NEK9: variants seen among roughly 807,000 people sequenced by gnomAD.
The protein encoded by NEK9 is NIMA related kinase 9, also known as serine/threonine-protein kinase Nek9.
NEK9 carries 75 observed loss-of-function variants against 123.4 expected under a neutral mutation model. The observed-to-expected ratio is 0.61, with a 90% confidence interval of 0.50 to 0.74. The LOEUF (loss-of-function observed/expected upper bound fraction) is 0.74. Among genes scored for constraint, NEK9 ranks in the 30% least tolerant of loss-of-function variants. The pLI, the probability that NEK9 is intolerant of heterozygous loss-of-function variation, is 0.00. For synonymous variants in NEK9, 438 were observed against 458.7 expected, an observed-to-expected ratio of 0.95 and a Z score of 0.58; for missense variants, 952 against 1,214.4, an observed-to-expected ratio of 0.78 and a Z score of 3.21.
intron 18 of NEK9, chr14:75,091,690 C>T (rs984246388): frequency 2.8e-5 from 12 of 432,050 alleles, no homozygotes; most frequent in African/African-American, 2.3e-4. Flanking sequence ...TCAGGATGCT[C>T]ATAATGATAA....
chr14:75,108,795 T>G (rs1894867071), intron 10 of NEK9, among the ~76,000 whole-genome samples: 1 of 152,130 alleles, frequency 6.6e-6, no homozygotes, highest in African/African-American at 2.4e-5. Flanking sequence ...CCTCAAACAA[T>G]CCACTCGCCT....
rs576481105 is a variant in NEK9 at position 75,087,967 on chromosome 14, TTCTG to T, written c.2604+509_2604+512del. Among the ~76,000 whole-genome samples the T allele has an allele frequency of 1.2e-3, 178 of 152,328 alleles. 1 individual carries two copies. The highest frequency in any genetic ancestry group is 4.3e-3 in the African/African-American group (177 of 41,582). ...TAGTTGCAAAAGAGGCTGTACACAT[TTCTG>T]TCTAAAATGGTCTAAAATAATTACT... On this transcript the variant is annotated intron_variant, in intron 20 of 21. Transcript: ENST00000238616.
intron 1 of NEK9, among the ~76,000 whole-genome samples, chr14:75,125,911 A>G (rs1895507535): frequency 1.3e-5 from 2 of 152,166 alleles, no homozygotes; most frequent in African/African-American, 4.8e-5. Flanking sequence ...AGTTTTTGGA[A>G]GTAGAATAAT....
rs1894058260 is a variant in NEK9, at chr14:75,087,236, G to C, written c.2605-6C>G. On this transcript the variant is annotated splice_region_variant and splice_polypyrimidine_tract_variant and intron_variant, in intron 20 of 21. Coordinates refer to ENST00000238616, the MANE Select transcript of NEK9 (RefSeq NM_033116.6). ...GCAGGATTCAGCCGAGGTGACTAGAGAGACAAGAAGGAGATTGCAGGAGGT... is the reference window on the plus strand; with the variant it reads ...GCAGGATTCAGCCGAGGTGACTAGACAGACAAGAAGGAGATTGCAGGAGGT... 6.2e-7 allele frequency: 1 copy of C among 1,600,662 alleles called. No homozygotes were observed. Among genetic ancestry groups the C allele is most frequent in the Non-Finnish European group, 8.6e-7 (1 of 1,169,340 alleles).
intron 18 of NEK9, chr14:75,091,778 C>G (rs1245279684): frequency 3.9e-6 from 1 of 254,012 alleles, no homozygotes; most frequent in Non-Finnish European, 7.4e-6. Flanking sequence ...ACCAAACAAT[C>G]CCCCCAACCA....
In NEK9 at chr14:75,107,431, G is replaced by A; in HGVS notation, c.1239C>T (p.Ser413=). The part of the protein sequence containing the change: ...HGQLGHGDKA[S]YRQPKHVEKL... ...TTTCCACATGCTTTGGCTGTCGATA[G>A]GAGGCTTTGTCTCCATGGCCCAGCT... is the stretch of plus-strand genomic sequence containing the variant. Residue 413 remains serine, a synonymous_variant, in exon 11 of 22, where the codon TCC becomes TCT. Transcript: ENST00000238616. The A allele has an allele frequency of 6.2e-7, 1 of 1,613,842 alleles. No individual in the cohort carries two copies. Among genetic ancestry groups the A allele is most frequent in the Non-Finnish European group, 8.5e-7 (1 of 1,179,898 alleles).
At chr14:75,127,150 TC>T (rs1895571227), upstream of NEK9, 3 of 468,740 alleles carry the variant, frequency 6.4e-6, no homozygotes, top group South Asian at 1.0e-4. Flanking sequence ...GGCCAAGGCT[TC>T]CCGCTTTCGG....
intron 8 of NEK9, among the ~76,000 whole-genome samples, chr14:75,111,969 T>C (rs945252994): frequency 6.6e-6 from 1 of 152,170 alleles, no homozygotes. Flanking sequence ...ATTTTAAATA[T>C]GCTTCACCAG....
intron 17 of NEK9, among the ~76,000 whole-genome samples, chr14:75,096,467 G>A (rs967879062): frequency 6.6e-6 from 1 of 152,112 alleles, no homozygotes; most frequent in Non-Finnish European, 1.5e-5. Flanking sequence ...TGTACTGAAT[G>A]TTTCTCATGA....
rs1894584693 is a variant in NEK9, at chr14:75,101,675, G to A, written c.1822C>T (p.His608Tyr). ...AACTTACCATCAATAGCAGCTGTGT[G>A]AGTCTTGCCTGGGGCAATGGTACGG... ...KIRTIAPGKT[H>Y]TAAIDERGRL... The change falls in exon 15 of 22, where the codon CAC becomes TAC. Residue 608 changes from histidine (H) to tyrosine (Y), a missense_variant. Physicochemically the swap from His to Tyr is moderately conservative, Grantham distance 83. Around this residue, in one of 4 missense-constraint regions of NEK9, gnomAD observed 698 missense variants for 875.6 expected, o/e 0.80. Transcript: ENST00000238616. 3 of 1,612,590 alleles carry A rather than the reference G, an allele frequency of 1.9e-6. No individual in the cohort carries two copies. The highest frequency in any genetic ancestry group is 2.5e-6 in the Non-Finnish European group (3 of 1,178,774).
chr14:75,110,267 C>A (rs1455178233), intron 9 of NEK9, 54 bp downstream of exon 9: 10 of 1,378,278 alleles, frequency 7.3e-6, no homozygotes, highest in South Asian at 7.2e-5. Flanking sequence ...CAAGAAAGAA[C>A]CCCCTGGTTG....
chr14:75,082,954 C>A lies in NEK9; in HGVS notation c.*1610G>T. On this transcript the variant is annotated 3_prime_UTR_variant, in exon 22 of 22. Coordinates refer to ENST00000238616, the MANE Select transcript of NEK9 (RefSeq NM_033116.6). ...ATTAGTACTAATGTACTAGGCTTCC[C>A]AGAACTGAGAAAACAATGGGAACAT... 1 of 398,618 alleles carries A rather than the reference C, an allele frequency of 2.5e-6. No individual in the cohort carries two copies. 24.7% of individuals were successfully genotyped at this position (398,618 alleles called of 1,614,324 possible). A position where few individuals can be genotyped will look rare whatever the true frequency, so the allele number is the denominator to read the frequency against.
intron 20 of NEK9, 72 bp from the exon 21 acceptor site, chr14:75,087,302 A>C: frequency 8.9e-7 from 1 of 1,127,792 alleles, no homozygotes; most frequent in South Asian, 1.4e-5. Flanking sequence ...AACTTCCTCT[A>C]AGTGCAATCG....
rs151097638 is a variant in NEK9, at chr14:75,124,260, T to C, written c.220-37A>G. 1.4e-5 allele frequency: 23 copies of C among 1,590,374 alleles called. No individual in the cohort carries two copies. The East Asian group carries it at 5.2e-4, about 36-fold the overall frequency. On this transcript the variant is annotated intron_variant, in intron 1 of 21. Transcript: ENST00000238616. ...AACAGAGGTATCGTGCTTTTCCTCT[T>C]GCCTGGCAGCAAATGAATCCACACC...
chr14:75,110,694 C>T (rs1004679471), intron 8 of NEK9, among the ~76,000 whole-genome samples: 1 of 151,804 alleles, frequency 6.6e-6, no homozygotes, highest in African/African-American at 2.4e-5. Context: ...ATCTAGTCTG[C>T]CCACTGACTC....
Position 75,105,935 on chromosome 14 carries a change from TG to T in NEK9, c.1575+14del. The T allele has an allele frequency of 6.2e-7, 1 of 1,605,684 alleles. No individual in the cohort carries two copies. On this transcript the variant is annotated intron_variant, in intron 13 of 21. Transcript: ENST00000238616. ...CTTAAGATAGGTTTTAGAAATAAGT[TG>T]CTTCTGATTTTACCTTTTGTGGTGT... is the stretch of plus-strand genomic sequence containing the variant.
In NEK9 at chr14:75,091,472, T is replaced by G. The variant is rs762415166; in HGVS notation, c.2240A>C (p.Gln747Pro). The change falls in exon 19 of 22, where the codon CAG becomes CCG. Residue 747 changes from glutamine (Q) to proline (P), a missense_variant. Physicochemically the swap from Gln to Pro is moderately conservative, Grantham distance 76. Around this residue, in one of 4 missense-constraint regions of NEK9, gnomAD observed 698 missense variants for 875.6 expected, o/e 0.80. Transcript: ENST00000238616. ...GCCGCCTCCTCCCGGGCTAGAGCTCTGAAACACTGACAGATATACAGCACA... is the reference window on the plus strand; with the variant it reads ...GCCGCCTCCTCCCGGGCTAGAGCTCGGAAACACTGACAGATATACAGCACA... The part of the protein sequence containing the change: ...SSGLSIGTVF[Q>P]SSSPGGGGGG... 2 of 1,584,098 alleles carry G rather than the reference T, an allele frequency of 1.3e-6. No homozygotes were observed. Among genetic ancestry groups the G allele is most frequent in the Non-Finnish European group, 1.7e-6 (2 of 1,167,274 alleles).
chr14:75,085,407 A>C (rs985193642), intron 21 of NEK9, among the ~76,000 whole-genome samples: 3 of 152,288 alleles, frequency 2.0e-5, no homozygotes, highest in African/African-American at 7.2e-5. Flanking sequence ...GAGAAAACAA[A>C]GTAGCCCAAA....
chr14:75,112,242 C>CA (rs1342022046), intron 8 of NEK9, among the ~76,000 whole-genome samples: 1 of 152,022 alleles, frequency 6.6e-6, no homozygotes, highest in African/African-American at 2.4e-5. Flanking sequence ...GATATAAAAA[C>CA]AAAAAACTGG....
Sources: gnomAD v4.1 joint callset for allele counts (sites outside exome capture counted in the v4.1 genomes callset) on GRCh38, gnomAD v4.1.1 for gene constraint, gnomAD v4.1.1 regional missense constraint, MANE v1.5 for transcripts, NCBI Gene and HGNC (gene_info 2026-07-23, HGNC 2026-07-21) for gene names.